The following UBE3B variants were observed in gnomAD, a reference collection of about 807,000 sequenced individuals.
UBE3B encodes ubiquitin-protein ligase E3B.
Under a neutral mutation model 132.3 loss-of-function variants are expected in UBE3B, and 80 were observed. That is an observed-to-expected ratio of 0.60 (90% CI 0.50 to 0.73). The LOEUF (loss-of-function observed/expected upper bound fraction) is 0.73, where lower values mean the gene tolerates loss of function less well. Among genes scored for constraint, UBE3B ranks in the 30% least tolerant of loss-of-function variants. The pLI is 0.00. For missense variants in UBE3B, 1,196 were observed against 1,362.5 expected, an observed-to-expected ratio of 0.88 and a Z score of 1.92; for synonymous variants, 487 against 520.4, an observed-to-expected ratio of 0.94 and a Z score of 0.87.
At chr12:109,524,192 GCCTGT>G in intron 22 of UBE3B, 77 bp downstream of exon 22, 3 of 1,584,100 alleles carry the variant, frequency 1.9e-6, no homozygotes, top group Non-Finnish European at 2.6e-6. Flanking sequence ...GAAGGAGATG[GCCTGT>G]CCTCTCTTAT....
At chr12:109,485,618 G>A (rs1876301482) in intron 4 of UBE3B, among the ~76,000 whole-genome samples, 1 of 152,228 alleles carries the variant, frequency 6.6e-6, no homozygotes. Context: ...GCTACTGGCT[G>A]TGAGGCAAAA....
chr12:109,530,711 G>C, intron 26 of UBE3B, 53 bp downstream of exon 26: 1 of 1,536,324 alleles, frequency 6.5e-7, no homozygotes, highest in Non-Finnish European at 9.0e-7. Context: ...AAACCTGGAA[G>C]GCCAGTTGAT....
chr12:109,526,870 C>CAA (rs10679640), intron 24 of UBE3B, among the ~76,000 whole-genome samples: 23,149 of 123,580 alleles, frequency 0.19, 2,630 homozygotes, highest in African/African-American at 0.36. Context: ...GACTCCGTCT[C>CAA]AAAAAAAAAA....
At chr12:109,498,128 A>G in intron 10 of UBE3B, 105 bp from the exon 11 acceptor site, 1 of 1,508,896 alleles carries the variant, frequency 6.6e-7, no homozygotes, top group Non-Finnish European at 9.0e-7. Flanking sequence ...GGTGTTTGCT[A>G]GCACATCCTC....
rs559429046 is a variant in UBE3B at position 109,533,363 on chromosome 12, A to G, written c.2923-103A>G. ...TACGGCTGGCTAGACAGCAGTTACA[A>G]CACGGTAACAGACAGAGCAAACACG... is the stretch of plus-strand genomic sequence containing the variant. On this transcript the variant is annotated intron_variant, in intron 26 of 27. Transcript: ENST00000342494. 2.8e-5 allele frequency: 32 copies of G among 1,125,850 alleles called. No homozygotes were observed. In the East Asian group the frequency reaches 6.1e-4, roughly 22 times the overall value. The allele number at this position is 1,125,850 out of a possible 1,614,324, so 69.7% of individuals were successfully genotyped here. A position where few individuals can be genotyped will look rare whatever the true frequency, so the allele number is the denominator to read the frequency against.
Position 109,511,318 on chromosome 12 carries a change from G to T in UBE3B, c.1956+15G>T, listed in dbSNP as rs1217205652. ...CTCACAAAAACGTGAGTTGCACTCA[G>T]AGCTGGGCCCCGATGTGTCTTTCTA... On this transcript the variant is annotated intron_variant, in intron 18 of 27. Coordinates refer to ENST00000342494, the MANE Select transcript of UBE3B (RefSeq NM_130466.4). The T allele has an allele frequency of 1.2e-6, 2 of 1,612,698 alleles. No homozygotes were observed. Among genetic ancestry groups the T allele is most frequent in the African/African-American group, 2.7e-5 (2 of 74,920 alleles).
chr12:109,479,833 T>TA (rs1422784787), intron 1 of UBE3B, among the ~76,000 whole-genome samples: 1 of 152,212 alleles, frequency 6.6e-6, no homozygotes, highest in Non-Finnish European at 1.5e-5. Flanking sequence ...AAGATCGTCT[T>TA]ACAGTGCTTA....
chr12:109,514,007 C>A (rs1173496573), intron 18 of UBE3B, among the ~76,000 whole-genome samples: 3 of 152,200 alleles, frequency 2.0e-5, no homozygotes, highest in Non-Finnish European at 4.4e-5. Context: ...ATACCATCTG[C>A]CCTAAATGTT....
chr12:109,547,369 C>A, the UBE3B span, among the ~76,000 whole-genome samples: 1 of 152,242 alleles, frequency 6.6e-6, no homozygotes, highest in African/African-American at 2.4e-5. The surrounding 1 kb of genome is among the most constrained non-coding windows in gnomAD (Gnocchi z 4.1). Flanking sequence ...CAAACAAGGT[C>A]ATACATGCAG....
chr12:109,505,909 C>T (rs1033254216), intron 14 of UBE3B, among the ~76,000 whole-genome samples: 5 of 152,136 alleles, frequency 3.3e-5, no homozygotes, highest in Non-Finnish European at 7.4e-5. Flanking sequence ...TGTAAGGGCT[C>T]GTATACAAGG....
At chr12:109,526,645 G>T (rs1882365378) in intron 24 of UBE3B, among the ~76,000 whole-genome samples, 1 of 152,124 alleles carries the variant, frequency 6.6e-6, no homozygotes. Flanking sequence ...GGCCGAGGCG[G>T]GCGGATCACG....
the UBE3B span, among the ~76,000 whole-genome samples, chr12:109,544,855 G>T: frequency 6.6e-6 from 1 of 152,226 alleles, no homozygotes; most frequent in Non-Finnish European, 1.5e-5. Context: ...AACAGATTTT[G>T]CGAAATAAAC....
At chr12:109,514,153 T>G (rs934268424) in intron 18 of UBE3B, among the ~76,000 whole-genome samples, 1 of 152,194 alleles carries the variant, frequency 6.6e-6, no homozygotes, top group African/African-American at 2.4e-5. Context: ...TTTACCTGTT[T>G]ATGTGTGACT....
chr12:109,543,510 G>T, the UBE3B span, among the ~76,000 whole-genome samples: 22 of 152,208 alleles, frequency 1.4e-4, no homozygotes, highest in Non-Finnish European at 2.9e-4. Context: ...ACCTGGAATC[G>T]ATCCTTTGTT....
intron 22 of UBE3B, 36 bp from the exon 23 acceptor site, chr12:109,524,402 A>G (rs773680775): frequency 2.0e-5 from 32 of 1,612,614 alleles, no homozygotes; most frequent in Non-Finnish European, 2.7e-5. Flanking sequence ...ATAGTGCTCC[A>G]TGGCCCTAAC....
intron 11 of UBE3B, 57 bp from the exon 12 acceptor site, chr12:109,499,576 C>T (rs1235549514): frequency 1.8e-5 from 26 of 1,456,116 alleles, no homozygotes; most frequent in South Asian, 4.3e-5. Context: ...GGAGCAGGGC[C>T]GGGAGGCACC....
intron 9 of UBE3B, chr12:109,492,359 A>G (rs1471135859): frequency 1.3e-5 from 2 of 152,190 alleles, no homozygotes; most frequent in Admixed American, 6.5e-5. Flanking sequence ...ACAGATATAG[A>G]AAACTTCCAG....
chr12:109,533,917 G>A (rs1168108524), intron 27 of UBE3B: 8 of 1,325,958 alleles, frequency 6.0e-6, no homozygotes, highest in East Asian at 9.5e-5. Flanking sequence ...GCAGGCAGGC[G>A]CAGACTCGAA....
At position 109,534,266 on chromosome 12, in the gene UBE3B, G is replaced by A; in HGVS notation, c.3016-325G>A. Reference sequence around the variant, plus strand: ...GGAGGAGTGCATTCAGAAATGTTTGGGCACCTAACAGTTTTTACAGCATTC... The same window carrying A: ...GGAGGAGTGCATTCAGAAATGTTTGAGCACCTAACAGTTTTTACAGCATTC... On this transcript the variant is annotated intron_variant, in intron 27 of 27. Coordinates refer to ENST00000342494, the MANE Select transcript of UBE3B (RefSeq NM_130466.4). The surrounding 1 kb of genome is among the most constrained non-coding windows in gnomAD (Gnocchi z 5.2). 1.5e-6 allele frequency: 2 copies of A among 1,315,682 alleles called. No homozygotes were observed. The highest frequency in any genetic ancestry group is 9.8e-7 in the Non-Finnish European group (1 of 1,024,222). 81.5% of individuals were successfully genotyped at this position (1,315,682 alleles called of 1,614,324 possible).
Sources: allele counts gnomAD v4.1 joint callset (sites outside exome capture counted in the v4.1 genomes callset), GRCh38; gene constraint gnomAD v4.1.1; non-coding constraint Gnocchi (gnomAD v3.1); transcripts MANE v1.5; gene names NCBI Gene and HGNC (gene_info 2026-07-23, HGNC 2026-07-21).